Variants in C5orf58 observed in about 807,000 individuals in gnomAD.
C5orf58 encodes the protein chromosome 5 open reading frame 58, also known as putative uncharacterized protein C5orf58.
C5orf58 carries 2 observed loss-of-function variants against 2.9 expected under a neutral mutation model. The observed-to-expected ratio is 0.69, with a 90% CI of 0.28 to 2.18. C5orf58 has a LOEUF of 2.18. Among genes scored for constraint, C5orf58 ranks in the 30% most tolerant of loss-of-function variants. C5orf58 has a pLI of 0.13. For missense variants in C5orf58, 96 were observed against 91.7 expected (o/e 1.05, Z -0.19); for synonymous variants, 37 against 33.4 (o/e 1.11, Z -0.37).
At chr5:170,236,601 T>C (rs146708007) in intron 3 of C5orf58, among the ~76,000 whole-genome samples, 181 of 152,330 alleles carry the variant, frequency 1.2e-3, no homozygotes, top group Non-Finnish European at 2.2e-3. Flanking sequence ...CTATATGACC[T>C]GCTCAGATCA....
downstream of C5orf58, chr5:170,248,837 G>T (rs1034122430): frequency 1.2e-6 from 2 of 1,610,518 alleles, no homozygotes; most frequent in South Asian, 1.1e-5. Context: ...AGTCAAGATA[G>T]GGAGATGAGT....
At chr5:170,246,306 T>C (rs1761290704), downstream of C5orf58, 2 of 467,812 alleles carry the variant, frequency 4.3e-6, no homozygotes, top group Non-Finnish European at 7.4e-6. Context: ...GTGTATGACA[T>C]AGGAAATTGG....
chr5:170,241,134 T>G (rs2113110389), intron 3 of C5orf58, among the ~76,000 whole-genome samples: 1 of 151,554 alleles, frequency 6.6e-6, no homozygotes, highest in Admixed American at 6.6e-5. Flanking sequence ...CATTGATCTA[T>G]ATCTCTGTTT....
chr5:170,248,221 T>C (rs944575856), downstream of C5orf58: 2 of 152,814 alleles, frequency 1.3e-5, no homozygotes, highest in African/African-American at 4.8e-5. Flanking sequence ...CTTAAATTAT[T>C]GCTGCTGAGA....
At chr5:170,244,938 T>C (rs1269430228) in intron 3 of C5orf58, among the ~76,000 whole-genome samples, 2 of 152,132 alleles carry the variant, frequency 1.3e-5, no homozygotes, top group Non-Finnish European at 2.9e-5. Context: ...TTGATGATGG[T>C]GATGTACAGA....
intron 3 of C5orf58, among the ~76,000 whole-genome samples, chr5:170,243,762 C>T (rs1026762035): frequency 6.7e-4 from 101 of 151,346 alleles, no homozygotes; most frequent in Non-Finnish European, 1.2e-3. Flanking sequence ...TTAATTGGAG[C>T]ATTTAGTCCA....
At chr5:170,235,383 T>G (rs574588815) in intron 3 of C5orf58, among the ~76,000 whole-genome samples, 120 of 152,342 alleles carry the variant, frequency 7.9e-4, no homozygotes, top group African/African-American at 2.9e-3. Flanking sequence ...CAAAATTCAT[T>G]GTCTTTATAA....
intron 3 of C5orf58, among the ~76,000 whole-genome samples, chr5:170,241,472 C>T (rs1350443631): frequency 6.6e-6 from 1 of 150,826 alleles, no homozygotes. Flanking sequence ...GTTTGTAGTT[C>T]TCCTTGAAGA....
At chr5:170,246,255 A>T, downstream of C5orf58, 1 of 705,588 alleles carries the variant, frequency 1.4e-6, no homozygotes, top group Non-Finnish European at 2.2e-6. Context: ...AAGGCTGTTT[A>T]ATGTTTTGAA....
chr5:170,250,954 T>A, downstream of C5orf58: 1 of 1,255,704 alleles, frequency 8.0e-7, no homozygotes, highest in East Asian at 2.4e-5. Flanking sequence ...GTAAGAGTAG[T>A]AGACAAGCCT....
downstream of C5orf58, chr5:170,247,617 G>A (rs879280221): frequency 6.6e-6 from 1 of 152,128 alleles, no homozygotes; most frequent in Non-Finnish European, 1.5e-5. Flanking sequence ...TATATTTTTT[G>A]TTAAGTGATA....
downstream of C5orf58, among the ~76,000 whole-genome samples, chr5:170,250,137 C>A (rs776569568): frequency 1.3e-5 from 2 of 152,164 alleles, no homozygotes; most frequent in African/African-American, 2.4e-5. Context: ...ATGTTTGGGG[C>A]GTTACCTTCA....
At chr5:170,246,880 T>C (rs556231476), downstream of C5orf58, 3 of 152,354 alleles carry the variant, frequency 2.0e-5, no homozygotes, top group East Asian at 5.8e-4. Context: ...ATGCTAGTCA[T>C]GAAAACATTA....
chr5:170,234,206 T>G lies in C5orf58; in HGVS notation c.-1+8T>G, dbSNP rs992794995. 3.7e-6 allele frequency: 5 copies of G among 1,364,960 alleles called. No homozygotes were observed. The African/African-American group carries it at 5.9e-5, about 16-fold the overall frequency. The allele number at this position is 1,364,960 out of a possible 1,614,324, so 84.6% of individuals were successfully genotyped here. On this transcript the variant is annotated splice_region_variant and intron_variant, in intron 2 of 3. Transcript: ENST00000593851. Reference sequence around the variant, plus strand: ...GCAAGGATTGACTTAAAGGTTAGTTTGTTTTCATTATTTTGGACAAGCAGC... The same window carrying G: ...GCAAGGATTGACTTAAAGGTTAGTTGGTTTTCATTATTTTGGACAAGCAGC...
At chr5:170,242,691 A>G (rs1200168203) in intron 3 of C5orf58, among the ~76,000 whole-genome samples, 1 of 142,020 alleles carries the variant, frequency 7.0e-6, no homozygotes, top group South Asian at 2.4e-4. Flanking sequence ...TAGTCTTGCT[A>G]GCGGTCTATC....
At chr5:170,245,337 C>A (rs1447706720) in intron 3 of C5orf58, among the ~76,000 whole-genome samples, 1 of 152,226 alleles carries the variant, frequency 6.6e-6, no homozygotes, top group Non-Finnish European at 1.5e-5. Flanking sequence ...TTTACCTAAT[C>A]AAGCCTGGGC....
intron 3 of C5orf58, among the ~76,000 whole-genome samples, chr5:170,238,941 G>A (rs1760858539): frequency 1.3e-5 from 2 of 152,154 alleles, no homozygotes; most frequent in Non-Finnish European, 2.9e-5. Flanking sequence ...AGGAATCTGG[G>A]GAAAAGGGCA....
At chr5:170,248,952 G>T, downstream of C5orf58, 1 of 825,176 alleles carries the variant, frequency 1.2e-6, no homozygotes, top group Non-Finnish European at 1.9e-6. Flanking sequence ...AAATGTAAAT[G>T]TGGCAATTAG....
At chr5:170,243,352 T>C (rs1386767320) in intron 3 of C5orf58, among the ~76,000 whole-genome samples, 6 of 114,548 alleles carry the variant, frequency 5.2e-5, no homozygotes, top group Non-Finnish European at 7.6e-5. Flanking sequence ...TCTGTCTCAT[T>C]GATCTGTCTA....
Sources: allele counts gnomAD v4.1 joint callset (sites outside exome capture counted in the v4.1 genomes callset), GRCh38; gene constraint gnomAD v4.1.1; transcripts MANE v1.5; gene names NCBI Gene and HGNC (gene_info 2026-07-23, HGNC 2026-07-21).